TGFBRAP1: variants seen among roughly 807,000 people sequenced by gnomAD.
The protein encoded by TGFBRAP1 is transforming growth factor-beta receptor-associated protein 1.
TGFBRAP1 carries 20 observed loss-of-function variants against 83.2 expected under a neutral mutation model. The observed-to-expected ratio is 0.24, with a 90% CI of 0.17 to 0.35. The LOEUF is 0.35. Ranked by LOEUF, TGFBRAP1 falls within the 10% of genes least tolerant of loss-of-function variation. TGFBRAP1 has a pLI of 1.00. For synonymous variants in TGFBRAP1, 415 were observed against 459.8 expected (o/e 0.90, Z 1.25); for missense variants, 950 against 1,099.4 (o/e 0.86, Z 1.92).
At chr2:105,263,348 A>C (rs937867604), downstream of TGFBRAP1, among the ~76,000 whole-genome samples, 1 of 152,260 alleles carries the variant, frequency 6.6e-6, no homozygotes, top group Non-Finnish European at 1.5e-5. Flanking sequence ...AGCCAATGCG[A>C]GTCCACCCTG....
chr2:105,311,468 C>T (rs1300989040), intron 1 of TGFBRAP1, among the ~76,000 whole-genome samples: 1 of 152,040 alleles, frequency 6.6e-6, no homozygotes, highest in African/African-American at 2.4e-5. Context: ...ACCTGTATTC[C>T]CTCCTCCTCA....
intron 2 of TGFBRAP1, among the ~76,000 whole-genome samples, chr2:105,304,608 C>T (rs1678429828): frequency 6.6e-6 from 1 of 152,204 alleles, no homozygotes; most frequent in East Asian, 1.9e-4. Flanking sequence ...CATGGTGAAA[C>T]CCCATCTCTA....
chr2:105,329,457 C>A (rs1679307155), intron 1 of TGFBRAP1, among the ~76,000 whole-genome samples, 168 bp downstream of exon 1: 1 of 148,852 alleles, frequency 6.7e-6, no homozygotes, highest in South Asian at 2.2e-4. Flanking sequence ...CACTTGCTCC[C>A]CCCACCCCGC....
At chr2:105,249,439 A>G in the TGFBRAP1 span, 2 of 152,244 alleles carry the variant, frequency 1.3e-5, no homozygotes, top group Admixed American at 1.3e-4. Context: ...TAAAGTAAGC[A>G]TATCTCTAAC....
intron 4 of TGFBRAP1, among the ~76,000 whole-genome samples, chr2:105,286,430 GATCCTGAGCTATA>G (rs1677722474): frequency 6.6e-6 from 1 of 152,240 alleles, no homozygotes. Flanking sequence ...CTGCTCAGAT[GATCCTGAGCTATA>G]AAACCTGGAG....
intron 7 of TGFBRAP1, among the ~76,000 whole-genome samples, chr2:105,276,753 C>A (rs9973913): frequency 1.3e-5 from 2 of 152,122 alleles, no homozygotes; most frequent in African/African-American, 2.4e-5. Context: ...CCATTGGGTA[C>A]GTGTTAATTC....
intron 1 of TGFBRAP1, among the ~76,000 whole-genome samples, chr2:105,317,262 C>A (rs1678914298): frequency 1.3e-5 from 2 of 152,068 alleles, no homozygotes; most frequent in Non-Finnish European, 2.9e-5. Flanking sequence ...CATGGTGAAA[C>A]CCCATTTACA....
chr2:105,299,586 G>A (rs559810495), intron 2 of TGFBRAP1, among the ~76,000 whole-genome samples: 1 of 152,074 alleles, frequency 6.6e-6, no homozygotes, highest in South Asian at 2.1e-4. Context: ...AGGCCCTGAT[G>A]AATGTTTTTA....
intron 11 of TGFBRAP1, among the ~76,000 whole-genome samples, chr2:105,268,706 T>C (rs1677031749): frequency 6.6e-6 from 1 of 152,128 alleles, no homozygotes; most frequent in Non-Finnish European, 1.5e-5. Context: ...GGATACCCGC[T>C]CTGGAAAGAA....
In TGFBRAP1 at chr2:105,296,512, T is replaced by C. The variant is rs1445986994; in HGVS notation, c.884-2A>G. On this transcript the variant is annotated splice_acceptor_variant, in intron 3 of 11. Coordinates refer to ENST00000393359, the MANE Select transcript of TGFBRAP1 (RefSeq NM_004257.6). LOFTEE classifies it high-confidence loss of function. ...TACTTGTGGCAACGATCACTCTTCCTGTGAAGAAATTCAGCATTGTTGGAA... is the reference window on the plus strand; with the variant it reads ...TACTTGTGGCAACGATCACTCTTCCCGTGAAGAAATTCAGCATTGTTGGAA... 6.2e-7 allele frequency: 1 copy of C among 1,604,876 alleles called. No homozygotes were observed. Among genetic ancestry groups the C allele is most frequent in the Non-Finnish European group, 8.5e-7 (1 of 1,176,874 alleles).
At chr2:105,297,619 C>T (rs1406629210) in intron 3 of TGFBRAP1, among the ~76,000 whole-genome samples, 4 of 152,190 alleles carry the variant, frequency 2.6e-5, no homozygotes, top group African/African-American at 9.7e-5. Context: ...AGATTCGTTC[C>T]TGGTTGGAAG....
At chr2:105,259,994 A>C (rs1041523955), downstream of TGFBRAP1, among the ~76,000 whole-genome samples, 1 of 152,276 alleles carries the variant, frequency 6.6e-6, no homozygotes, top group Non-Finnish European at 1.5e-5. Flanking sequence ...GTTGATATGA[A>C]TATAAAAAAT....
chr2:105,306,313 T>G (rs889924914), intron 2 of TGFBRAP1, among the ~76,000 whole-genome samples: 6 of 150,872 alleles, frequency 4.0e-5, no homozygotes, highest in African/African-American at 1.5e-4. Context: ...CCACCTGCTT[T>G]GGCCTCCCAA....
In TGFBRAP1 at chr2:105,275,591, T is replaced by G; in HGVS notation, c.1634A>C (p.Tyr545Ser). Residue 545 changes from tyrosine to serine, a missense_variant, in exon 8 of 12, where the codon TAT becomes TCT. Tyr to Ser is a moderately radical substitution (Grantham distance 144, BLOSUM62 -2). Coordinates refer to ENST00000393359, the MANE Select transcript of TGFBRAP1 (RefSeq NM_004257.6). ...YCLDEELVWA[Y>S]ADWVLQKSEE... ...ACTTTTCTGCAGGACCCAATCAGCA[T>G]AGGCCCACACTAGTTCCTCGTCTAA... 6.2e-7 allele frequency: 1 copy of G among 1,614,160 alleles called. No homozygotes were observed. The highest frequency in any genetic ancestry group is 8.5e-7 in the Non-Finnish European group (1 of 1,180,036).
chr2:105,302,968 C>A (rs987878176), intron 2 of TGFBRAP1, among the ~76,000 whole-genome samples: 1 of 152,034 alleles, frequency 6.6e-6, no homozygotes, highest in African/African-American at 2.4e-5. Flanking sequence ...ACTGTGGGAG[C>A]GGTAGTGCTG....
In TGFBRAP1 at chr2:105,308,241, C is replaced by G. The variant is rs749697411; in HGVS notation, c.61G>C (p.Asp21His). The G allele has an allele frequency of 6.2e-6, 10 of 1,614,170 alleles. No individual in the cohort carries two copies. Among genetic ancestry groups the G allele is most frequent in the Non-Finnish European group, 8.5e-6 (10 of 1,180,024 alleles). The change falls in exon 2 of 12, where the codon GAC (aspartate) becomes CAC (histidine). Residue 21 changes from aspartate (D) to histidine (H), a missense_variant. Asp to His is a moderately conservative substitution (Grantham distance 81, BLOSUM62 -1). Coordinates refer to ENST00000393359, the MANE Select transcript of TGFBRAP1 (RefSeq NM_004257.6). ...SAVERELLMG[D>H]KERVNIECVE... is the part of the protein sequence containing the mutation. ...CACTCTATGTTGACGCGCTCCTTGT[C>G]GCCCATCAGCAGCTCCCGCTCCACA...
At chr2:105,267,947 A>G (rs1677000619) in intron 11 of TGFBRAP1, 1 of 925,884 alleles carries the variant, frequency 1.1e-6, no homozygotes, top group Admixed American at 6.2e-5. Context: ...TCATTTGCAA[A>G]TAAGAAAAGT....
At chr2:105,321,168 ATT>A (rs1201390115) in intron 1 of TGFBRAP1, among the ~76,000 whole-genome samples, 2 of 150,154 alleles carry the variant, frequency 1.3e-5, no homozygotes, top group Non-Finnish European at 3.0e-5. Context: ...TTATTTATTT[ATT>A]TTTTTTTTTT....
chr2:105,297,055 C>T (rs1678114036), intron 3 of TGFBRAP1, among the ~76,000 whole-genome samples: 1 of 152,038 alleles, frequency 6.6e-6, no homozygotes, highest in Non-Finnish European at 1.5e-5. Flanking sequence ...GCAAGTTAAC[C>T]TGGCCCATGG....
Sources: allele counts gnomAD v4.1 joint callset (sites outside exome capture counted in the v4.1 genomes callset), GRCh38; gene constraint gnomAD v4.1.1; transcripts MANE v1.5; gene names NCBI Gene and HGNC (gene_info 2026-07-23, HGNC 2026-07-21).